The following SLC24A4 variants were observed in gnomAD, a reference collection of about 807,000 sequenced individuals.
The protein encoded by SLC24A4 is solute carrier family 24 member 4.
Under a neutral mutation model 79.0 loss-of-function variants are expected in SLC24A4, and 53 were observed. The observed-to-expected ratio is 0.67, with a 90% CI of 0.54 to 0.84. The LOEUF is 0.84. SLC24A4 is among the 40% of genes least tolerant of loss of function. SLC24A4 has a pLI of 0.00. For missense variants in SLC24A4, 731 were observed against 822.0 expected, an observed-to-expected ratio of 0.89 and a Z score of 1.35; for synonymous variants, 323 against 323.8, an observed-to-expected ratio of 1.00 and a Z score of 0.03.
At chr14:92,399,911 G>T (rs1271147664) in intron 2 of SLC24A4, among the ~76,000 whole-genome samples, 1 of 152,030 alleles carries the variant, frequency 6.6e-6, no homozygotes, top group Non-Finnish European at 1.5e-5. Flanking sequence ...TTCTTGGGGG[G>T]TTTTTTGAGA....
chr14:92,403,714 G>T (rs1890231009), intron 2 of SLC24A4, among the ~76,000 whole-genome samples: 1 of 151,932 alleles, frequency 6.6e-6, no homozygotes, highest in African/African-American at 2.4e-5. Context: ...TACAGTTAGG[G>T]CCAGCCTTTA....
intron 2 of SLC24A4, among the ~76,000 whole-genome samples, chr14:92,413,668 G>A (rs781570903): frequency 6.6e-6 from 1 of 152,216 alleles, no homozygotes; most frequent in African/African-American, 2.4e-5. Flanking sequence ...CTCAGTGCTT[G>A]TTGGAAAGAT....
At chr14:92,445,728 G>T (rs781325692) in intron 8 of SLC24A4, among the ~76,000 whole-genome samples, 45 of 152,286 alleles carry the variant, frequency 3.0e-4, no homozygotes, top group Admixed American at 6.5e-4. Flanking sequence ...ATGCTGCAGG[G>T]ACAACTGGGA....
At chr14:92,484,518 A>C in intron 13 of SLC24A4, 1 of 985,384 alleles carries the variant, frequency 1.0e-6, no homozygotes, top group Non-Finnish European at 1.2e-6. Context: ...TGTATCCCAA[A>C]AAGAAGCTCA....
chr14:92,492,546 G>T (rs1418288516), intron 16 of SLC24A4, among the ~76,000 whole-genome samples: 2 of 152,184 alleles, frequency 1.3e-5, no homozygotes, highest in Non-Finnish European at 2.9e-5. Flanking sequence ...CTGCGCATCT[G>T]AGCTGACAAA....
chr14:92,345,183 G>A (rs1886454414), intron 2 of SLC24A4, among the ~76,000 whole-genome samples: 3 of 152,210 alleles, frequency 2.0e-5, no homozygotes. Flanking sequence ...ACATCAACCA[G>A]TGGAGTGGCA....
rs1354961837 is a variant in SLC24A4, at chr14:92,498,003, G to A, written c.*4375G>A. 2.0e-5 allele frequency: 3 copies of A among 152,148 alleles called. No homozygotes were observed. The highest frequency in any genetic ancestry group is 7.2e-5 in the African/African-American group (3 of 41,414). 9.4% of individuals were successfully genotyped at this position (152,148 alleles called of 1,614,324 possible). A position where few individuals can be genotyped will look rare whatever the true frequency, so the allele number is the denominator to read the frequency against. On this transcript the variant is annotated 3_prime_UTR_variant, in exon 17 of 17. Transcript: ENST00000532405. ...TTCCATGGGAACCATCCTCCCCTGG[G>A]GGCAGTTAGCAGGAGTACGTGGGGC...
intron 3 of SLC24A4, among the ~76,000 whole-genome samples, chr14:92,437,335 A>G (rs971071588): frequency 2.0e-5 from 3 of 152,140 alleles, no homozygotes; most frequent in East Asian, 1.9e-4. Flanking sequence ...TTTGTTCCCC[A>G]TTAAGGTAAG....
At position 92,323,794 on chromosome 14, in the gene SLC24A4, C is replaced by T; in HGVS notation, c.-37C>T. ...ATTGCACTCTGGCCGCTGAAGCTCCCCATCCTCTCCCAGAGACGGCACCCA... is the reference window on the plus strand; with the variant it reads ...ATTGCACTCTGGCCGCTGAAGCTCCTCATCCTCTCCCAGAGACGGCACCCA... On this transcript the variant is annotated 5_prime_UTR_variant, in exon 1 of 17. Transcript: ENST00000532405. This position sits in a 1 kb window ranked among gnomAD's most constrained non-coding sequence, Gnocchi z 4.9. 3 of 1,537,718 alleles carry T rather than the reference C, an allele frequency of 2.0e-6. No individual in the cohort carries two copies. The highest frequency in any genetic ancestry group is 2.6e-6 in the Non-Finnish European group (3 of 1,148,062).
chr14:92,408,605 C>T (rs1257634795), intron 2 of SLC24A4, among the ~76,000 whole-genome samples: 2 of 152,264 alleles, frequency 1.3e-5, no homozygotes, highest in East Asian at 3.9e-4. Flanking sequence ...AGGCAAGTCA[C>T]TTAGCTTTTT....
In SLC24A4 at chr14:92,494,090, AT is replaced by A. The variant is rs1414111369; in HGVS notation, c.*463del. On this transcript the variant is annotated 3_prime_UTR_variant, in exon 17 of 17. Coordinates refer to ENST00000532405, the MANE Select transcript of SLC24A4 (RefSeq NM_153646.4). The surrounding 1 kb of genome is among the most constrained non-coding windows in gnomAD (Gnocchi z 4.6). ...GCCCAGAGGTGGTTCCTTAGGCAGC[AT>A]GTGCTCCTGGGAGCCTCTGACTTTT... 2 of 157,806 alleles carry A rather than the reference AT, an allele frequency of 1.3e-5. No homozygotes were observed. Among genetic ancestry groups the A allele is most frequent in the African/African-American group, 4.8e-5 (2 of 41,518 alleles). 9.8% of individuals were successfully genotyped at this position (157,806 alleles called of 1,614,324 possible).
At chr14:92,434,635 A>T (rs1015330270) in intron 3 of SLC24A4, among the ~76,000 whole-genome samples, 2 of 152,178 alleles carry the variant, frequency 1.3e-5, no homozygotes, top group Non-Finnish European at 1.5e-5. Context: ...CCAATACTTC[A>T]CAGGGTACTG....
chr14:92,492,920 G>A, intron 16 of SLC24A4: 1 of 452,052 alleles, frequency 2.2e-6, no homozygotes, highest in South Asian at 1.6e-5. Flanking sequence ...GGATCAGGGA[G>A]GAATGTAAGA....
chr14:92,380,587 G>A (rs1415256948), intron 2 of SLC24A4, among the ~76,000 whole-genome samples: 2 of 152,238 alleles, frequency 1.3e-5, no homozygotes, highest in African/African-American at 2.4e-5. Flanking sequence ...AGACCTTCCC[G>A]GCAACAACTG....
chr14:92,436,965 C>T (rs1892208890), intron 3 of SLC24A4, among the ~76,000 whole-genome samples: 1 of 152,190 alleles, frequency 6.6e-6, no homozygotes, highest in Non-Finnish European at 1.5e-5. Context: ...CCAGTAGATA[C>T]CTGCCTCAGA....
intron 2 of SLC24A4, among the ~76,000 whole-genome samples, chr14:92,408,202 T>TGTGTG (rs33968349): frequency 3.3e-5 from 5 of 151,432 alleles, no homozygotes; most frequent in African/African-American, 7.3e-5. Flanking sequence ...TGTGTGTGTG[T>TGTGTG]TTCACATCCA....
rs1887019719 is a variant in SLC24A4, at chr14:92,353,865, C to T, written c.241+27887C>T. On this transcript the variant is annotated intron_variant, in intron 2 of 16. Transcript: ENST00000532405. This position sits in a 1 kb window ranked among gnomAD's most constrained non-coding sequence, Gnocchi z 4.1. ...CCTGTAGCAGAGCATAACTTCAGCT[C>T]CCCTGTCCCAGCTGCCTGTGCCGCC... is the stretch of plus-strand genomic sequence containing the variant. 6.6e-6 allele frequency among the ~76,000 whole-genome samples: 1 copy of T among 152,212 alleles called. No homozygotes were observed. Among genetic ancestry groups the T allele is most frequent in the Non-Finnish European group, 1.5e-5 (1 of 68,030 alleles).
In SLC24A4 at chr14:92,353,379, G is replaced by T. The variant is rs991874940; in HGVS notation, c.241+27401G>T. 6.6e-6 allele frequency among the ~76,000 whole-genome samples: 1 copy of T among 152,206 alleles called. No homozygotes were observed. Among genetic ancestry groups the T allele is most frequent in the African/African-American group, 2.4e-5 (1 of 41,454 alleles). ...TATATGCATTTAGTTTATTGTTGTA[G>T]CGCAAGAGGGCAAAAAGCATTGTTG... On this transcript the variant is annotated intron_variant, in intron 2 of 16. Transcript: ENST00000532405. The surrounding 1 kb of genome is among the most constrained non-coding windows in gnomAD (Gnocchi z 4.1).
chr14:92,452,389 G>C (rs567976553), intron 10 of SLC24A4: 2 of 152,552 alleles, frequency 1.3e-5, no homozygotes, highest in Admixed American at 1.3e-4. Flanking sequence ...ATGAGCTGTG[G>C]AGGGGGCTCC....
Sources: allele counts gnomAD v4.1 joint callset (sites outside exome capture counted in the v4.1 genomes callset), GRCh38; gene constraint gnomAD v4.1.1; non-coding constraint Gnocchi (gnomAD v3.1); transcripts MANE v1.5; gene names NCBI Gene and HGNC (gene_info 2026-07-23, HGNC 2026-07-21).